Variants in PHF14 observed in about 807,000 individuals in gnomAD.
The protein encoded by PHF14 is PHD finger protein 14.
A neutral mutation model predicts 117.9 loss-of-function variants in PHF14; 55 were observed. The ratio of observed to expected loss-of-function variants is 0.47; its 90% CI spans 0.38 to 0.58. The LOEUF is 0.58. PHF14 is among the 20% of genes least tolerant of loss of function. The pLI is 0.00. For synonymous variants in PHF14, 409 were observed against 368.6 expected, an observed-to-expected ratio of 1.11 and a Z score of -1.26; for missense variants, 978 against 1,122.2, an observed-to-expected ratio of 0.87 and a Z score of 1.84.
intron 14 of PHF14, among the ~76,000 whole-genome samples, chr7:11,054,631 T>C (rs528701672): frequency 6.6e-6 from 1 of 152,300 alleles, no homozygotes; most frequent in Non-Finnish European, 1.5e-5. Flanking sequence ...TGAGGTGTTC[T>C]AATTGTGTTT....
Position 11,099,719 on chromosome 7 carries a change from A to G in PHF14, c.2655-11631A>G, listed in dbSNP as rs149251532. Among the ~76,000 whole-genome samples the G allele has an allele frequency of 3.7e-4, 56 of 152,238 alleles. No individual in the cohort carries two copies. In the East Asian group the frequency reaches 0.011, roughly 29 times the overall value. On this transcript the variant is annotated intron_variant, in intron 16 of 17. Coordinates refer to ENST00000634607, the MANE Select transcript of PHF14 (RefSeq NM_001007157.2). Reference sequence around the variant, plus strand: ...CTTGAATCAAGTTACCTCTAAGATCATTGTCTTATCTTTAAAATGAAGACA... The same window carrying G: ...CTTGAATCAAGTTACCTCTAAGATCGTTGTCTTATCTTTAAAATGAAGACA...
Position 10,974,187 on chromosome 7 carries a change from T to A in PHF14, c.-137T>A, listed in dbSNP as rs1781781390. On this transcript the variant is annotated 5_prime_UTR_variant, in exon 1 of 18. Transcript: ENST00000634607. ...GGGGCTACTCTTGGGAGCGCCCCTG[T>A]CCGGCTGGCTGCGCGCCGGTTTTAA... 5.2e-6 allele frequency: 4 copies of A among 765,510 alleles called. No homozygotes were observed. Among genetic ancestry groups the A allele is most frequent in the Non-Finnish European group, 8.9e-6 (4 of 450,818 alleles). The allele number at this position is 765,510 out of a possible 1,614,324, so 47.4% of individuals were successfully genotyped here.
chr7:11,157,049 C>A (rs1296115018), intron 17 of PHF14, among the ~76,000 whole-genome samples: 2 of 152,136 alleles, frequency 1.3e-5, no homozygotes, highest in African/African-American at 2.4e-5. Context: ...ATCTTTATCA[C>A]CTCCATGTAT....
At chr7:11,156,484 G>C (rs1406254846) in intron 17 of PHF14, among the ~76,000 whole-genome samples, 5 of 152,078 alleles carry the variant, frequency 3.3e-5, no homozygotes, top group Admixed American at 1.3e-4. Context: ...CTTTTCACTT[G>C]GTAGTAAAGT....
At chr7:11,006,279 G>A (rs1783089106) in intron 4 of PHF14, 1 of 381,838 alleles carries the variant, frequency 2.6e-6, no homozygotes, top group Non-Finnish European at 5.1e-6. Context: ...TTGGCATCTT[G>A]TGGCCATTTG....
intron 7 of PHF14, among the ~76,000 whole-genome samples, chr7:11,031,812 T>C (rs1742831749): frequency 6.6e-6 from 1 of 152,158 alleles, no homozygotes; most frequent in African/African-American, 2.4e-5. Flanking sequence ...TCAGTTATGC[T>C]GACTACAACT....
At chr7:11,094,804 C>T (rs979175269) in intron 16 of PHF14, among the ~76,000 whole-genome samples, 3 of 152,166 alleles carry the variant, frequency 2.0e-5, no homozygotes, top group African/African-American at 7.2e-5. Context: ...CACAGGTGAT[C>T]CAGAGCTTGG....
intron 14 of PHF14, among the ~76,000 whole-genome samples, chr7:11,059,972 G>A (rs1011978801): frequency 2.0e-5 from 3 of 152,090 alleles, no homozygotes; most frequent in South Asian, 4.1e-4. Flanking sequence ...CTGGGCTCAA[G>A]TTATCTTCCC....
At chr7:10,988,045 A>T (rs1782289403) in intron 3 of PHF14, among the ~76,000 whole-genome samples, 1 of 151,794 alleles carries the variant, frequency 6.6e-6, no homozygotes, top group Non-Finnish European at 1.5e-5. Flanking sequence ...AAAAGAAAAA[A>T]AAGAAAACTG....
At chr7:11,032,144 A>T (rs910861935) in intron 7 of PHF14, among the ~76,000 whole-genome samples, 4 of 152,176 alleles carry the variant, frequency 2.6e-5, no homozygotes, top group Non-Finnish European at 4.4e-5. Context: ...GTGTGCCTAT[A>T]GTCCTAACTG....
chr7:11,035,605 A>G (rs1370077934), intron 7 of PHF14, 35 bp from the exon 8 acceptor site: 3 of 1,465,496 alleles, frequency 2.0e-6, no homozygotes, highest in Admixed American at 4.0e-5. Flanking sequence ...TGGGAGTACA[A>G]ATGTTCACTA....
At chr7:11,048,399 C>T (rs985481168) in intron 13 of PHF14, among the ~76,000 whole-genome samples, 1 of 152,030 alleles carries the variant, frequency 6.6e-6, no homozygotes, top group Admixed American at 6.6e-5. Context: ...TGGTGAAACC[C>T]CATCTGTACT....
At chr7:11,005,818 G>T (rs570523175) in intron 4 of PHF14, among the ~76,000 whole-genome samples, 73 of 136,892 alleles carry the variant, frequency 5.3e-4, no homozygotes, top group African/African-American at 1.9e-3. Context: ...TTTTGAGACG[G>T]AGTCTCGTTC....
chr7:11,143,889 T>G (rs1034794313), intron 17 of PHF14, among the ~76,000 whole-genome samples: 2 of 151,760 alleles, frequency 1.3e-5, no homozygotes, highest in African/African-American at 2.4e-5. Context: ...TATATCAAAC[T>G]AAAAAGCTTC....
At chr7:11,079,527 A>G (rs1006489536) in intron 16 of PHF14, among the ~76,000 whole-genome samples, 3 of 152,130 alleles carry the variant, frequency 2.0e-5, no homozygotes, top group East Asian at 1.9e-4. Context: ...TGTATTTCCT[A>G]TTACTTTTTT....
chr7:11,041,724 G>A (rs1290062270), intron 12 of PHF14, among the ~76,000 whole-genome samples: 3 of 151,668 alleles, frequency 2.0e-5, no homozygotes, highest in Admixed American at 6.6e-5. Flanking sequence ...GGTTCATTTG[G>A]AACCATCAGG....
chr7:11,035,965 C>T (rs1185435132), intron 8 of PHF14, among the ~76,000 whole-genome samples, 179 bp downstream of exon 8: 1 of 152,122 alleles, frequency 6.6e-6, no homozygotes, highest in Non-Finnish European at 1.5e-5. Flanking sequence ...CAGTACTCCT[C>T]ATTTAGTCAA....
intron 4 of PHF14, among the ~76,000 whole-genome samples, chr7:10,992,435 G>A (rs1398782310): frequency 6.6e-5 from 10 of 151,380 alleles, no homozygotes; most frequent in African/African-American, 2.4e-4. Flanking sequence ...GGCCGAGGCG[G>A]GCGGATCACC....
chr7:11,026,610 AAT>A (rs757715010), intron 6 of PHF14, among the ~76,000 whole-genome samples: 1 of 152,150 alleles, frequency 6.6e-6, no homozygotes, highest in Non-Finnish European at 1.5e-5. Flanking sequence ...AAAGTAAGGA[AAT>A]TACTTAATTG....
Sources: allele counts gnomAD v4.1 joint callset (sites outside exome capture counted in the v4.1 genomes callset), GRCh38; gene constraint gnomAD v4.1.1; transcripts MANE v1.5; gene names NCBI Gene and HGNC (gene_info 2026-07-23, HGNC 2026-07-21).